Variants in UGGT1 observed in about 807,000 individuals in gnomAD.
UGGT1 encodes UDP-glucose:glycoprotein glucosyltransferase 1.
In UGGT1, 107 loss-of-function variants were observed where a neutral mutation model predicts 203.9. The observed-to-expected ratio is 0.52, with a 90% CI of 0.45 to 0.62. The LOEUF (loss-of-function observed/expected upper bound fraction) is 0.62. Among genes scored for constraint, UGGT1 ranks in the 20% least tolerant of loss-of-function variants. The pLI, the probability that UGGT1 is intolerant of heterozygous loss-of-function variation, is 0.00. For synonymous variants in UGGT1, 628 were observed against 653.5 expected (o/e 0.96, Z 0.59); for missense variants, 1,673 against 1,867.2 (o/e 0.90, Z 1.92).
At chr2:128,100,086 G>A (rs976340792) in intron 2 of UGGT1, among the ~76,000 whole-genome samples, 15 of 128,298 alleles carry the variant, frequency 1.2e-4, no homozygotes, top group Non-Finnish European at 1.8e-4. Flanking sequence ...CTGGAGTTCA[G>A]TGGCGCCATC....
At chr2:128,111,755 A>T (rs1687863581) in intron 5 of UGGT1, among the ~76,000 whole-genome samples, 2 of 151,980 alleles carry the variant, frequency 1.3e-5, no homozygotes, top group Admixed American at 1.3e-4. Context: ...TCGGCCTCCC[A>T]AAGTGCTGGG....
intron 18 of UGGT1, among the ~76,000 whole-genome samples, chr2:128,148,187 G>A (rs545361143): frequency 5.9e-5 from 9 of 152,064 alleles, no homozygotes; most frequent in Non-Finnish European, 1.0e-4. Context: ...TCAGCCTCCC[G>A]AGTAGCTGGG....
chr2:128,120,228 C>T, intron 8 of UGGT1, 128 bp from the exon 9 acceptor site: 1 of 705,546 alleles, frequency 1.4e-6, no homozygotes, highest in Non-Finnish European at 2.4e-6. Context: ...TTCATTTTTT[C>T]CCCCTATGTC....
At chr2:128,115,310 G>A (rs1688048228) in intron 7 of UGGT1, 90 bp downstream of exon 7, 4 of 1,196,484 alleles carry the variant, frequency 3.3e-6, no homozygotes, top group Non-Finnish European at 3.6e-6. Context: ...AGATTTAGGT[G>A]TATGCTGAAC....
In UGGT1 at chr2:128,161,206, C is replaced by CTTTA; in HGVS notation, c.2765_2766insTATT (p.Leu922PhefsTer50). On this transcript the variant is annotated frameshift_variant, in exon 25 of 41. Coordinates refer to ENST00000259253, the MANE Select transcript of UGGT1 (RefSeq NM_020120.4). LOFTEE classifies it high-confidence loss of function. ...ATTTCCACCTCCTCGAAAATATCATCTTAAAAACCTCAGGACAGAAAATAA... is the reference window on the plus strand; with the variant it reads ...ATTTCCACCTCCTCGAAAATATCATCTTTATTAAAAACCTCAGGACAGAAAATAA... 1 of 1,614,018 alleles carries CTTTA rather than the reference C, an allele frequency of 6.2e-7. No homozygotes were observed. The highest frequency in any genetic ancestry group is 8.5e-7 in the Non-Finnish European group (1 of 1,179,970).
intron 5 of UGGT1, 35 bp from the exon 6 acceptor site, chr2:128,113,049 T>C (rs1458937932): frequency 6.9e-7 from 1 of 1,448,392 alleles, no homozygotes; most frequent in Non-Finnish European, 9.2e-7. Context: ...TCACAATTAT[T>C]TTTAAAGTTT....
In UGGT1 at chr2:128,118,285, A is replaced by T. The variant is rs561700605; in HGVS notation, c.872+1942A>T. 4.5e-4 allele frequency among the ~76,000 whole-genome samples: 69 copies of T among 152,202 alleles called. 1 individual carries two copies. The highest frequency in any genetic ancestry group is 3.4e-3 in the Middle Eastern group (1 of 294). ...ATCCTTTTCTAAAAAAATTTTTTCG[A>T]GACAGGGCTTTGCTCTGTCACTCAG... On this transcript the variant is annotated intron_variant, in intron 8 of 40. Coordinates refer to ENST00000259253, the MANE Select transcript of UGGT1 (RefSeq NM_020120.4).
intron 30 of UGGT1, among the ~76,000 whole-genome samples, chr2:128,174,450 C>G (rs891204162): frequency 6.6e-6 from 1 of 151,952 alleles, no homozygotes; most frequent in Non-Finnish European, 1.5e-5. Context: ...GGGCACCCAC[C>G]ACCATGCCCG....
intron 18 of UGGT1, among the ~76,000 whole-genome samples, chr2:128,146,615 T>C (rs12476332): frequency 0.9 from 136,770 of 151,926 alleles, 62,347 homozygotes; most frequent in Non-Finnish European, 0.98. Context: ...TAAAAGTCAG[T>C]CTTTTGAACG....
intron 10 of UGGT1, among the ~76,000 whole-genome samples, chr2:128,122,270 C>T (rs2105394485): frequency 6.6e-6 from 1 of 151,962 alleles, no homozygotes; most frequent in East Asian, 2.0e-4. Context: ...TGGTGGCTCA[C>T]ACCTGTAATA....
At chr2:128,110,323 T>G (rs1687788235) in intron 5 of UGGT1, among the ~76,000 whole-genome samples, 1 of 152,180 alleles carries the variant, frequency 6.6e-6, no homozygotes. Context: ...AACAGAACCG[T>G]GATCTCTCCG....
At chr2:128,183,937 T>TGTGTGTGTGTGAGAGA (rs151153786) in intron 38 of UGGT1, 148 bp downstream of exon 38, 4 of 328,558 alleles carry the variant, frequency 1.2e-5, no homozygotes, top group East Asian at 6.0e-5. Context: ...TGTGTGTGTG[T>TGTGTGTGTGTGAGAGA]GAGAGAGAGA....
chr2:128,174,944 C>T lies in UGGT1; in HGVS notation c.3539+86C>T. On this transcript the variant is annotated intron_variant, in intron 31 of 40. Coordinates refer to ENST00000259253, the MANE Select transcript of UGGT1 (RefSeq NM_020120.4). ...ATTGAATACTACCCTGGCAGTTAGC[C>T]AGGCAACATGAATTTAATTTGCAGT... The T allele has an allele frequency of 2.6e-6, 3 of 1,147,940 alleles. No homozygotes were observed. In the South Asian group the frequency reaches 4.6e-5, roughly 17 times the overall value. The allele number at this position is 1,147,940 out of a possible 1,614,324, so 71.1% of individuals were successfully genotyped here. A position where few individuals can be genotyped will look rare whatever the true frequency, so the allele number is the denominator to read the frequency against.
At chr2:128,184,372 T>C (rs1691867516) in intron 38 of UGGT1, among the ~76,000 whole-genome samples, 1 of 152,226 alleles carries the variant, frequency 6.6e-6, no homozygotes, top group African/African-American at 2.4e-5. Context: ...TTTAAACCTT[T>C]ATTGTGATAT....
At chr2:128,157,936 A>G (rs1427619454) in intron 22 of UGGT1, among the ~76,000 whole-genome samples, 1 of 152,162 alleles carries the variant, frequency 6.6e-6, no homozygotes, top group Non-Finnish European at 1.5e-5. Flanking sequence ...TTCAGTTTGC[A>G]TCTTCATCCA....
rs191608669 is a variant in UGGT1 at position 128,117,176 on chromosome 2, G to A, written c.872+833G>A. Among the ~76,000 whole-genome samples the A allele has an allele frequency of 4.1e-3, 618 of 152,006 alleles. 6 individuals are homozygous for A. The highest frequency in any genetic ancestry group is 0.013 in the African/African-American group (552 of 41,482). On this transcript the variant is annotated intron_variant, in intron 8 of 40. Coordinates refer to ENST00000259253, the MANE Select transcript of UGGT1 (RefSeq NM_020120.4). ...GCAATCTCAGTTCACTGCAACCTCC[G>A]TCTCCTGGGTTCAAGTGATTCTCCT...
chr2:128,137,827 C>T (rs1288159189), intron 15 of UGGT1, among the ~76,000 whole-genome samples: 2 of 152,166 alleles, frequency 1.3e-5, no homozygotes, highest in Non-Finnish European at 2.9e-5. Context: ...AATGCCTTTG[C>T]CCCAGTATGT....
At position 128,168,196 on chromosome 2, in the gene UGGT1, T is replaced by C. The variant is rs536346800; in HGVS notation, c.2922-2092T>C. On this transcript the variant is annotated intron_variant, in intron 26 of 40. Transcript: ENST00000259253. The stretch of plus-strand genomic sequence containing the variant: ...GATTCAGTAAGTCTGGGTTGGATCC[T>C]GACTTGCTTCTCACAAATGCCCAGG... Among the ~76,000 whole-genome samples, 9 of 152,354 alleles carry C rather than the reference T, an allele frequency of 5.9e-5. No homozygotes were observed. The East Asian group carries it at 1.7e-3, about 29-fold the overall frequency.
chr2:128,161,122 C>A lies in UGGT1; in HGVS notation c.2695-16C>A. 2 of 1,613,126 alleles carry A rather than the reference C, an allele frequency of 1.2e-6. No individual in the cohort carries two copies. The highest frequency in any genetic ancestry group is 2.2e-5 in the South Asian group (2 of 90,876). ...AGCCTTCCAGAGCTAAGCGCCTGCT[C>A]TTCTCTCCTTCACAGATCATTGGGC... On this transcript the variant is annotated splice_polypyrimidine_tract_variant and intron_variant, in intron 24 of 40. Transcript: ENST00000259253.
Sources: allele counts gnomAD v4.1 joint callset (sites outside exome capture counted in the v4.1 genomes callset), GRCh38; gene constraint gnomAD v4.1.1; transcripts MANE v1.5; gene names NCBI Gene and HGNC (gene_info 2026-07-23, HGNC 2026-07-21).